OR5B3: variants seen among roughly 807,000 people sequenced by gnomAD.
OR5B3 encodes olfactory receptor 5B3.
For synonymous variants in OR5B3, 150 were observed against 135.0 expected, an observed-to-expected ratio of 1.11 and a Z score of -0.77; for missense variants, 430 against 375.4, an observed-to-expected ratio of 1.15 and a Z score of -1.20.
At position 58,402,570 on chromosome 11, in the gene OR5B3, GA is replaced by G; in HGVS notation, c.839del (p.Ile280ThrfsTer4). 6.2e-7 allele frequency: 1 copy of G among 1,613,322 alleles called. No individual in the cohort carries two copies. Among genetic ancestry groups the G allele is most frequent in the African/African-American group, 1.3e-5 (1 of 74,988 alleles). ...KMAPVFYTMV[I>X]PMLNPLVYSL... ...TATAGACCAGAGGGTTCAGCATGGGGATGACCATTGTATAGAACACAGGTGC... is the reference window on the plus strand; with the variant it reads ...TATAGACCAGAGGGTTCAGCATGGGGTGACCATTGTATAGAACACAGGTGC... On this transcript the variant is annotated frameshift_variant, in exon 2 of 2. Transcript: ENST00000641865. LOFTEE classifies it low-confidence loss of function (END_TRUNC).
Position 58,403,035 on chromosome 11 carries a change from G to T in OR5B3, c.375C>A (p.Cys125Ter). 1.9e-6 allele frequency: 3 copies of T among 1,614,064 alleles called. No homozygotes were observed. Among genetic ancestry groups the T allele is most frequent in the Non-Finnish European group, 2.5e-6 (3 of 1,179,942 alleles). ...SMAYDRYAAV[C>*]KPLHYTTTMT... ...TGGTTGTGGTGTAATGTAGGGGTTTGCACACTGCTGCATAGCGGTCATAGG... is the reference window on the plus strand; with the variant it reads ...TGGTTGTGGTGTAATGTAGGGGTTTTCACACTGCTGCATAGCGGTCATAGG... Residue 125 changes from cysteine to a stop codon, truncating the protein, a stop_gained, in exon 2 of 2, where the codon TGC becomes TGA. Coordinates refer to ENST00000641865, the MANE Select transcript of OR5B3 (RefSeq NM_001005469.2). LOFTEE classifies it low-confidence loss of function (END_TRUNC).
In OR5B3 at chr11:58,403,059, G is replaced by A. The variant is rs1489460428; in HGVS notation, c.351C>T (p.Ala117=). 6 of 1,614,122 alleles carry A rather than the reference G, an allele frequency of 3.7e-6. No individual in the cohort carries two copies. In the East Asian group the frequency reaches 6.7e-5, roughly 18 times the overall value. Residue 117 remains alanine (A), a synonymous_variant, in exon 2 of 2, where the codon GCC becomes GCT. Coordinates refer to ENST00000641865, the MANE Select transcript of OR5B3 (RefSeq NM_001005469.2). ...TVENYLLASM[A]YDRYAAVCKP... Reference sequence around the variant, plus strand: ...TGCACACTGCTGCATAGCGGTCATAGGCCATTGAGGCCAAGAGGTAATTTT... The same window carrying A: ...TGCACACTGCTGCATAGCGGTCATAAGCCATTGAGGCCAAGAGGTAATTTT...
In OR5B3 at chr11:58,403,075, A is replaced by G. The variant is rs1315918419; in HGVS notation, c.335T>C (p.Leu112Pro). The G allele has an allele frequency of 3.7e-6, 6 of 1,614,080 alleles. No individual in the cohort carries two copies. Among genetic ancestry groups the G allele is most frequent in the South Asian group, 3.3e-5 (3 of 91,086 alleles). ...GCGGTCATAGGCCATTGAGGCCAAGAGGTAATTTTCCACAGTGGCAAAAGC... is the reference window on the plus strand; with the variant it reads ...GCGGTCATAGGCCATTGAGGCCAAGGGGTAATTTTCCACAGTGGCAAAAGC... ...FVAFATVENY[L>P]LASMAYDRYA... Residue 112 changes from leucine (L) to proline (P), a missense_variant, in exon 2 of 2, where the codon CTC (leucine) becomes CCC (proline). Coordinates refer to ENST00000641865, the MANE Select transcript of OR5B3 (RefSeq NM_001005469.2).
chr11:58,406,065 T>C (rs1362007621), intron 1 of OR5B3, among the ~76,000 whole-genome samples: 2 of 152,078 alleles, frequency 1.3e-5, no homozygotes, highest in Non-Finnish European at 2.9e-5. Flanking sequence ...CCTATGAAGG[T>C]GTTATGTTGC....
In OR5B3 at chr11:58,402,830, C is replaced by T. The variant is rs190645593; in HGVS notation, c.580G>A (p.Glu194Lys). 1.9e-5 allele frequency: 30 copies of T among 1,613,656 alleles called. No homozygotes were observed. Among genetic ancestry groups the T allele is most frequent in the South Asian group, 3.3e-5 (3 of 91,074 alleles). The change falls in exon 2 of 2, where the codon GAG (glutamate) becomes AAG (lysine). Residue 194 changes from glutamate to lysine, a missense_variant. Glu to Lys is a moderately conservative substitution (Grantham distance 56, BLOSUM62 1). Coordinates refer to ENST00000641865, the MANE Select transcript of OR5B3 (RefSeq NM_001005469.2). ...CTCACAACATAAATAAGAACAAGCTCGCTAATATGTCTATCAGAGCAAGAG... is the reference window on the plus strand; with the variant it reads ...CTCACAACATAAATAAGAACAAGCTTGCTAATATGTCTATCAGAGCAAGAG... The part of the protein sequence containing the change: ...VLSCSDRHIS[E>K]LVLIYVVSFN...
chr11:58,403,543 A>G (rs921470598), intron 1 of OR5B3, 108 bp from the exon 2 acceptor site: 6 of 550,164 alleles, frequency 1.1e-5, no homozygotes, highest in Non-Finnish European at 1.9e-5. Context: ...GTACTTCAAG[A>G]TTCCCTAGAA....
chr11:58,403,090 G>A lies in OR5B3; in HGVS notation c.320C>T (p.Thr107Ile). 6.2e-7 allele frequency: 1 copy of A among 1,614,152 alleles called. No individual in the cohort carries two copies. The highest frequency in any genetic ancestry group is 8.5e-7 in the Non-Finnish European group (1 of 1,179,992). Residue 107 changes from threonine to isoleucine, a missense_variant, in exon 2 of 2, where the codon ACT becomes ATT. By Grantham distance (89) the Thr-to-Ile change is moderately conservative. Transcript: ENST00000641865. ...AQMYIFVAFA[T>I]VENYLLASMA... ...TGAGGCCAAGAGGTAATTTTCCACAGTGGCAAAAGCTACAAAGATATACAT... is the reference window on the plus strand; with the variant it reads ...TGAGGCCAAGAGGTAATTTTCCACAATGGCAAAAGCTACAAAGATATACAT...
chr11:58,404,686 T>TA (rs1855078358), intron 1 of OR5B3, among the ~76,000 whole-genome samples: 2 of 152,064 alleles, frequency 1.3e-5, no homozygotes, highest in African/African-American at 4.8e-5. Flanking sequence ...TTAGTGTGGG[T>TA]AAAAAAGTTT....
In OR5B3 at chr11:58,405,583, A is replaced by G. The variant is rs201732656; in HGVS notation, c.-27+1218T>C. ...GGACACATGGTAGAGAACAACACAC[A>G]CTGGGGCCTGTCAGAGGATGGTGGG... On this transcript the variant is annotated intron_variant, in intron 1 of 1. Coordinates refer to ENST00000641865, the MANE Select transcript of OR5B3 (RefSeq NM_001005469.2). Among the ~76,000 whole-genome samples, 9 of 152,204 alleles carry G rather than the reference A, an allele frequency of 5.9e-5. No homozygotes were observed. In the East Asian group the frequency reaches 7.7e-4, roughly 13 times the overall value.
chr11:58,403,350 T>C lies in OR5B3; in HGVS notation c.60A>G (p.Glu20=). 6.2e-7 allele frequency: 1 copy of C among 1,611,724 alleles called. No individual in the cohort carries two copies. The highest frequency in any genetic ancestry group is 2.2e-5 in the East Asian group (1 of 44,880). Residue 20 remains glutamate (E), a synonymous_variant, in exon 2 of 2, where the codon GAA becomes GAG. Coordinates refer to ENST00000641865, the MANE Select transcript of OR5B3 (RefSeq NM_001005469.2). ...FILLGLTNDS[E]LQVPLFITFP... ...ACGTTATAAAGAGGGGAACCTGCAG[T>C]TCTGAGTCATTGGTTAGTCCTAGAA...
At chr11:58,406,487 T>C (rs1272843782) in intron 1 of OR5B3, among the ~76,000 whole-genome samples, 12 of 151,844 alleles carry the variant, frequency 7.9e-5, no homozygotes, top group Admixed American at 7.9e-4. Context: ...TTGTTTTTGT[T>C]TGTTTTTGGT....
chr11:58,403,091 T>C lies in OR5B3; in HGVS notation c.319A>G (p.Thr107Ala). Residue 107 changes from threonine (T) to alanine (A), a missense_variant, in exon 2 of 2, where the codon ACT becomes GCT. Transcript: ENST00000641865. The stretch of plus-strand genomic sequence containing the variant: ...GAGGCCAAGAGGTAATTTTCCACAG[T>C]GGCAAAAGCTACAAAGATATACATT... ...AQMYIFVAFA[T>A]VENYLLASMA... 1 of 1,614,138 alleles carries C rather than the reference T, an allele frequency of 6.2e-7. No homozygotes were observed. The highest frequency in any genetic ancestry group is 8.5e-7 in the Non-Finnish European group (1 of 1,179,984).
At position 58,403,396 on chromosome 11, in the gene OR5B3, G is replaced by C; in HGVS notation, c.14C>G (p.Thr5Arg). 1.9e-6 allele frequency: 3 copies of C among 1,568,292 alleles called. No individual in the cohort carries two copies. The South Asian group carries it at 3.5e-5, about 18-fold the overall frequency. Residue 5 changes from threonine (T) to arginine (R), a missense_variant, in exon 2 of 2, where the codon ACA (threonine) becomes AGA (arginine). Coordinates refer to ENST00000641865, the MANE Select transcript of OR5B3 (RefSeq NM_001005469.2). The part of the protein sequence containing the change: MENK[T>R]EVTQFILLGL... Reference sequence around the variant, plus strand: ...TAGAAGAATGAATTGTGTTACTTCTGTCTTATTTTCCATCACTGCTCTGGG... The same window carrying C: ...TAGAAGAATGAATTGTGTTACTTCTCTCTTATTTTCCATCACTGCTCTGGG...
rs750798061 is a variant in OR5B3, at chr11:58,402,719, C to T, written c.691G>A (p.Val231Ile). The change falls in exon 2 of 2, where the codon GTA becomes ATA. Residue 231 changes from valine to isoleucine, a missense_variant. Coordinates refer to ENST00000641865, the MANE Select transcript of OR5B3 (RefSeq NM_001005469.2). ...ITILKMHSAS[V>I]YQKPLSTCAS... is the part of the protein sequence containing the mutation. ...CAGGTGGACAAAGGCTTCTGGTATA[C>T]TGAAGCTGAGTGCATCTTTAGGATG... The T allele has an allele frequency of 3.1e-6, 5 of 1,613,920 alleles. No homozygotes were observed. In the South Asian group the frequency reaches 3.3e-5, roughly 11 times the overall value.
At chr11:58,404,377 T>G (rs944493858) in intron 1 of OR5B3, among the ~76,000 whole-genome samples, 8 of 81,964 alleles carry the variant, frequency 9.8e-5, no homozygotes, top group South Asian at 3.6e-4. Flanking sequence ...AAATGCTAGA[T>G]GTTAAGCACA....
In OR5B3 at chr11:58,402,496, T is replaced by C; in HGVS notation, c.914A>G (p.Lys305Arg). The C allele has an allele frequency of 6.2e-7, 1 of 1,612,414 alleles. No individual in the cohort carries two copies. Among genetic ancestry groups the C allele is most frequent in the East Asian group, 2.2e-5 (1 of 44,882 alleles). ...VKSAFKKVVE[K>R]AKLSVGWSV ...TGACCATCCTACAGACAATTTTGCC[T>C]TCTCAACAACTTTCTTGAATGCACT... Residue 305 changes from lysine (K) to arginine (R), a missense_variant, in exon 2 of 2, where the codon AAG (lysine) becomes AGG (arginine). Physicochemically the swap from Lys to Arg is conservative, Grantham distance 26. Transcript: ENST00000641865.
intron 1 of OR5B3, among the ~76,000 whole-genome samples, chr11:58,405,913 GA>G (rs922694142): frequency 6.6e-6 from 1 of 152,030 alleles, no homozygotes; most frequent in East Asian, 1.9e-4. Flanking sequence ...ACACAGCCAT[GA>G]AAAAAAGAAT....
chr11:58,403,036 C>T lies in OR5B3; in HGVS notation c.374G>A (p.Cys125Tyr), dbSNP rs1327074933. 1.2e-6 allele frequency: 2 copies of T among 1,614,048 alleles called. No homozygotes were observed. The highest frequency in any genetic ancestry group is 2.2e-5 in the South Asian group (2 of 91,076). Residue 125 changes from cysteine (C) to tyrosine (Y), a missense_variant, in exon 2 of 2, where the codon TGC (cysteine) becomes TAC (tyrosine). By Grantham distance (194) the Cys-to-Tyr change is radical. Coordinates refer to ENST00000641865, the MANE Select transcript of OR5B3 (RefSeq NM_001005469.2). ...SMAYDRYAAV[C>Y]KPLHYTTTMT... is the part of the protein sequence containing the mutation. ...GGTTGTGGTGTAATGTAGGGGTTTG[C>T]ACACTGCTGCATAGCGGTCATAGGC...
intron 1 of OR5B3, among the ~76,000 whole-genome samples, chr11:58,404,155 G>A (rs1855072064): frequency 6.6e-6 from 1 of 151,952 alleles, no homozygotes; most frequent in Non-Finnish European, 1.5e-5. Context: ...TCAACTACCA[G>A]AAACAATTCT....
Sources: allele counts gnomAD v4.1 joint callset (sites outside exome capture counted in the v4.1 genomes callset), GRCh38; gene constraint gnomAD v4.1.1; transcripts MANE v1.5; gene names NCBI Gene and HGNC (gene_info 2026-07-23, HGNC 2026-07-21).